Variants in DPYD observed in about 807,000 individuals in gnomAD.
DPYD encodes the protein dihydropyrimidine dehydrogenase [NADP(+)].
A neutral mutation model predicts 116.2 loss-of-function variants in DPYD; 109 were observed. The observed-to-expected ratio is 0.94, with a 90% confidence interval of 0.80 to 1.10. The LOEUF is 1.10. DPYD is among the 50% of genes least tolerant of loss of function. The pLI, the probability that DPYD is intolerant of heterozygous loss-of-function variation, is 0.00. For missense variants in DPYD, 1,302 were observed against 1,254.5 expected (o/e 1.04, Z -0.57); for synonymous variants, 440 against 432.0 (o/e 1.02, Z -0.23).
intron 3 of DPYD, among the ~76,000 whole-genome samples, chr1:97,825,139 C>A (rs185289191): frequency 6.6e-6 from 1 of 152,158 alleles, no homozygotes; most frequent in African/African-American, 2.4e-5. Context: ...CCTTTTTACA[C>A]ACCAGGGCTA....
chr1:97,855,463 A>T (rs370746714), intron 2 of DPYD: 95 of 152,318 alleles, frequency 6.2e-4, no homozygotes, highest in African/African-American at 2.1e-3. Context: ...GCCTTAAATC[A>T]ACTTTGGTAG....
chr1:97,744,948 A>G (rs989238691), intron 3 of DPYD, among the ~76,000 whole-genome samples: 1 of 152,084 alleles, frequency 6.6e-6, no homozygotes. Flanking sequence ...GGAGACAAGA[A>G]AGATGGCTGG....
chr1:97,802,200 A>G (rs17117207), intron 3 of DPYD, among the ~76,000 whole-genome samples: 4,681 of 151,968 alleles, frequency 0.031, 237 homozygotes, highest in African/African-American at 0.1. Flanking sequence ...GTAGTTGGAT[A>G]CAGCACAATT....
At chr1:97,562,022 A>T (rs1351478224) in intron 11 of DPYD, among the ~76,000 whole-genome samples, 1 of 152,190 alleles carries the variant, frequency 6.6e-6, no homozygotes, top group East Asian at 1.9e-4. Context: ...TTAGACTGCA[A>T]GCTCCTGCAG....
At chr1:97,356,010 G>A (rs566059177) in intron 16 of DPYD, among the ~76,000 whole-genome samples, 10 of 152,114 alleles carry the variant, frequency 6.6e-5, no homozygotes, top group Admixed American at 1.3e-4. Flanking sequence ...CTTTTATGAT[G>A]TTTCCATAAA....
chr1:97,594,308 A>G (rs906525902), intron 9 of DPYD, among the ~76,000 whole-genome samples: 3 of 152,194 alleles, frequency 2.0e-5, no homozygotes, highest in African/African-American at 7.2e-5. Context: ...GGTTTCAGAC[A>G]TACAAACATC....
intron 13 of DPYD, among the ~76,000 whole-genome samples, chr1:97,496,286 G>T (rs942691446): frequency 6.6e-6 from 1 of 151,936 alleles, no homozygotes; most frequent in African/African-American, 2.4e-5. Context: ...TAAGCTCCAT[G>T]AATTTAGGGC....
chr1:97,271,795 A>T (rs1209235312), intron 18 of DPYD, among the ~76,000 whole-genome samples: 2 of 152,130 alleles, frequency 1.3e-5, no homozygotes, highest in African/African-American at 4.8e-5. Context: ...ACAATATCCA[A>T]ATGGAAGGAC....
intron 3 of DPYD, among the ~76,000 whole-genome samples, chr1:97,764,780 G>A (rs905424636): frequency 1.3e-5 from 2 of 151,874 alleles, no homozygotes; most frequent in Non-Finnish European, 2.9e-5. Context: ...GATTTATTAC[G>A]TACTTCTCCC....
At chr1:97,580,220 C>G (rs1217831047) in intron 10 of DPYD, among the ~76,000 whole-genome samples, 1 of 152,168 alleles carries the variant, frequency 6.6e-6, no homozygotes, top group African/African-American at 2.4e-5. Context: ...GTTTGAGAAG[C>G]AATATGAAGA....
chr1:97,333,559 C>T (rs1182774220), intron 16 of DPYD, among the ~76,000 whole-genome samples: 3 of 128,382 alleles, frequency 2.3e-5, no homozygotes, highest in Non-Finnish European at 3.1e-5. Context: ...CTCACACTGT[C>T]GTACAGGCTG....
chr1:97,684,129 G>A (rs1360454563), intron 7 of DPYD, among the ~76,000 whole-genome samples: 2 of 152,030 alleles, frequency 1.3e-5, no homozygotes, highest in Non-Finnish European at 2.9e-5. Context: ...GTTATGGTAG[G>A]GTGTCAATGT....
intron 18 of DPYD, among the ~76,000 whole-genome samples, chr1:97,251,391 TAA>T (rs10581072): frequency 0.36 from 34,304 of 95,048 alleles, 4,923 homozygotes; most frequent in East Asian, 0.56. Context: ...AAACTCTGTC[TAA>T]AAAAAAAAAA....
At position 97,516,466 on chromosome 1, in the gene DPYD, G is replaced by T. The variant is rs142176448; in HGVS notation, c.1525-525C>A. 5.4e-3 allele frequency among the ~76,000 whole-genome samples: 822 copies of T among 152,076 alleles called. 12 individuals are homozygous for T. Among genetic ancestry groups the T allele is most frequent in the African/African-American group, 0.019 (783 of 41,518 alleles). ...TTGCCTAATTTCTACCTCACAGGAA[G>T]ACTGGAAAATTCAGGAAATCATAAG... On this transcript the variant is annotated intron_variant, in intron 12 of 22. Transcript: ENST00000370192.
chr1:97,368,341 T>C (rs1482075988), intron 16 of DPYD, among the ~76,000 whole-genome samples: 3 of 152,146 alleles, frequency 2.0e-5, no homozygotes, highest in Non-Finnish European at 4.4e-5. Context: ...GGGAGATGAA[T>C]TGGAAAATCT....
intron 5 of DPYD, among the ~76,000 whole-genome samples, chr1:97,703,059 A>G (rs1409322763): frequency 6.6e-6 from 1 of 152,002 alleles, no homozygotes; most frequent in Non-Finnish European, 1.5e-5. Context: ...AGAGTTGTTC[A>G]ATACATACTC....
chr1:97,737,530 C>T (rs1317309365), intron 4 of DPYD, among the ~76,000 whole-genome samples: 2 of 151,884 alleles, frequency 1.3e-5, no homozygotes, highest in African/African-American at 2.4e-5. Context: ...AGTTACTGAG[C>T]AAGGAAGTCA....
At chr1:97,835,391 A>G (rs1426799421) in intron 2 of DPYD, among the ~76,000 whole-genome samples, 1 of 152,124 alleles carries the variant, frequency 6.6e-6, no homozygotes, top group Non-Finnish European at 1.5e-5. Context: ...ACATTATTAC[A>G]TATTTTTAAA....
intron 2 of DPYD, among the ~76,000 whole-genome samples, chr1:97,837,691 T>C (rs1669835917): frequency 6.6e-6 from 1 of 152,156 alleles, no homozygotes; most frequent in African/African-American, 2.4e-5. Flanking sequence ...TTATCAATTC[T>C]AAAATTGTAA....
Sources: gnomAD v4.1 joint callset for allele counts (sites outside exome capture counted in the v4.1 genomes callset) on GRCh38, gnomAD v4.1.1 for gene constraint, MANE v1.5 for transcripts, NCBI Gene and HGNC (gene_info 2026-07-23, HGNC 2026-07-21) for gene names.